Variants in OR10J1 observed in about 807,000 individuals in gnomAD.
OR10J1 encodes olfactory receptor family 10 subfamily J member 1.
For synonymous variants in OR10J1, 202 were observed against 143.8 expected (o/e 1.40, Z -2.89); for missense variants, 474 against 376.6 (o/e 1.26, Z -2.14).
chr1:159,435,464 T>C (rs1045630516), upstream of OR10J1, among the ~76,000 whole-genome samples: 1 of 152,250 alleles, frequency 6.6e-6, no homozygotes, highest in African/African-American at 2.4e-5. Flanking sequence ...TCAGAACTTA[T>C]TTTTCCTATC....
At chr1:159,410,272 G>A in the OR10J1 span, among the ~76,000 whole-genome samples, 17 of 152,142 alleles carry the variant, frequency 1.1e-4, no homozygotes, top group Non-Finnish European at 2.2e-4. Context: ...CAGAAGGAAT[G>A]GTACCAGTTC....
At chr1:159,416,229 C>A in the OR10J1 span, among the ~76,000 whole-genome samples, 1 of 151,846 alleles carries the variant, frequency 6.6e-6, no homozygotes, top group Non-Finnish European at 1.5e-5. Flanking sequence ...CAAATAAGAA[C>A]GGTGAAAGGG....
chr1:159,437,322 A>G (rs1459869471), upstream of OR10J1, among the ~76,000 whole-genome samples: 2 of 152,178 alleles, frequency 1.3e-5, no homozygotes, highest in African/African-American at 4.8e-5. Flanking sequence ...AATGACGACC[A>G]TATTTAAATA....
upstream of OR10J1, among the ~76,000 whole-genome samples, chr1:159,435,581 C>T (rs1326860536): frequency 1.3e-5 from 2 of 152,060 alleles, no homozygotes; most frequent in South Asian, 2.1e-4. Flanking sequence ...AGTTTGGACA[C>T]GCCAGCTCTA....
At chr1:159,410,081 G>A in the OR10J1 span, among the ~76,000 whole-genome samples, 2 of 152,128 alleles carry the variant, frequency 1.3e-5, no homozygotes, top group South Asian at 2.1e-4. Flanking sequence ...TTTTTGATGT[G>A]TTGCTGGATT....
the OR10J1 span, among the ~76,000 whole-genome samples, chr1:159,403,761 T>C: frequency 6.6e-6 from 1 of 152,170 alleles, no homozygotes; most frequent in East Asian, 1.9e-4. Flanking sequence ...ATCCAACTGC[T>C]GGATATATAC....
the OR10J1 span, chr1:159,432,171 C>T: frequency 2.5e-6 from 1 of 400,498 alleles, no homozygotes; most frequent in Non-Finnish European, 4.4e-6. Context: ...TCAACATTCC[C>T]ACTTCATCTC....
chr1:159,438,762 A>T (rs796634438), upstream of OR10J1, among the ~76,000 whole-genome samples: 1 of 152,230 alleles, frequency 6.6e-6, no homozygotes. Context: ...GCAAATCAGA[A>T]TATAATTTAA....
At chr1:159,418,685 T>C in the OR10J1 span, among the ~76,000 whole-genome samples, 1 of 152,188 alleles carries the variant, frequency 6.6e-6, no homozygotes, top group African/African-American at 2.4e-5. Context: ...GGACACTGGC[T>C]AGTGGAGCTA....
chr1:159,424,357 T>C, the OR10J1 span, among the ~76,000 whole-genome samples: 1 of 151,024 alleles, frequency 6.6e-6, no homozygotes, highest in Non-Finnish European at 1.5e-5. Flanking sequence ...TAAATGCATG[T>C]AAATATGCAT....
At chr1:159,413,277 G>A in the OR10J1 span, among the ~76,000 whole-genome samples, 6 of 152,128 alleles carry the variant, frequency 3.9e-5, no homozygotes, top group Admixed American at 6.6e-5. Context: ...GGTAGTCAGT[G>A]TGGCGATTCC....
the OR10J1 span, among the ~76,000 whole-genome samples, chr1:159,412,252 G>A: frequency 1.3e-5 from 2 of 151,630 alleles, no homozygotes; most frequent in African/African-American, 4.8e-5. Context: ...CGTGAAAAAG[G>A]CCATACTGCC....
At chr1:159,404,448 C>T in the OR10J1 span, among the ~76,000 whole-genome samples, 68 of 152,040 alleles carry the variant, frequency 4.5e-4, no homozygotes, top group South Asian at 0.011. Flanking sequence ...GTGCAGTGCG[C>T]GACAGTGCCA....
chr1:159,398,169 C>T, the OR10J1 span, among the ~76,000 whole-genome samples: 50 of 152,346 alleles, frequency 3.3e-4, no homozygotes, highest in Middle Eastern at 3.4e-3. Context: ...TAGCAACAGT[C>T]TGCAAGAACG....
the OR10J1 span, among the ~76,000 whole-genome samples, chr1:159,409,793 C>T: frequency 3.3e-4 from 50 of 152,196 alleles, no homozygotes; most frequent in African/African-American, 1.1e-3. Flanking sequence ...AAAGGGAACG[C>T]TTCCAGTTTT....
the OR10J1 span, among the ~76,000 whole-genome samples, chr1:159,427,981 G>C: frequency 6.6e-6 from 1 of 152,062 alleles, no homozygotes; most frequent in Non-Finnish European, 1.5e-5. Flanking sequence ...AAAGAAACTA[G>C]CTGAAAATTT....
At chr1:159,418,812 G>T in the OR10J1 span, among the ~76,000 whole-genome samples, 1 of 152,182 alleles carries the variant, frequency 6.6e-6, no homozygotes, top group Non-Finnish European at 1.5e-5. Flanking sequence ...AGCTAGAAGG[G>T]AGGTTGTACC....
At chr1:159,424,380 G>A in the OR10J1 span, among the ~76,000 whole-genome samples, 2 of 150,116 alleles carry the variant, frequency 1.3e-5, no homozygotes, top group Non-Finnish European at 3.0e-5. Flanking sequence ...ATGTATATGT[G>A]CATATATGTG....
the OR10J1 span, among the ~76,000 whole-genome samples, chr1:159,398,220 A>T: frequency 6.6e-6 from 1 of 152,222 alleles, no homozygotes; most frequent in African/African-American, 2.4e-5. Context: ...AAGCAGAAAC[A>T]GCTTAAATCA....
Sources: gnomAD v4.1 joint callset for allele counts (sites outside exome capture counted in the v4.1 genomes callset) on GRCh38, gnomAD v4.1.1 for gene constraint, MANE v1.5 for transcripts, NCBI Gene and HGNC (gene_info 2026-07-23, HGNC 2026-07-21) for gene names.